The following ANAPC1 variants were observed in gnomAD, a reference collection of about 807,000 sequenced individuals.
ANAPC1 encodes the protein anaphase-promoting complex subunit 1.
In ANAPC1, 36 loss-of-function variants were observed where a neutral mutation model predicts 208.0. The observed-to-expected ratio is 0.17, with a 90% confidence interval of 0.13 to 0.23. The LOEUF (loss-of-function observed/expected upper bound fraction) is 0.23, where lower values mean the gene tolerates loss of function less well. Among genes scored for constraint, ANAPC1 ranks in the 10% least tolerant of loss-of-function variants. The probability of loss-of-function intolerance (pLI) is 1.00; values close to 1 mark genes in which losing one functional copy is unlikely to be tolerated. For synonymous variants in ANAPC1, 378 were observed against 695.2 expected (o/e 0.54, Z 7.18); for missense variants, 942 against 2,011.6 (o/e 0.47, Z 10.17).
Position 111,833,308 on chromosome 2 carries a change from G to C in ANAPC1, c.2388C>G (p.Asp796Glu). ...LVELLVQLAR[D>E]LKLGPYVDHY... ...GATCTACATAAGGCCCCAATTTTAA[G>C]TCCCTAAAACAGTAAGGGCATGTAA... Residue 796 changes from aspartate (D) to glutamate (E), a missense_variant, in exon 20 of 48, where the codon GAC becomes GAG. Transcript: ENST00000341068. 1.3e-6 allele frequency: 2 copies of C among 1,589,524 alleles called. No individual in the cohort carries two copies. The highest frequency in any genetic ancestry group is 1.7e-6 in the Non-Finnish European group (2 of 1,162,412).
intron 47 of ANAPC1, 122 bp from the exon 48 acceptor site, chr2:111,769,528 C>T (rs1676603828): frequency 3.3e-6 from 2 of 608,670 alleles, no homozygotes; most frequent in Non-Finnish European, 6.0e-6. Flanking sequence ...TTGAAAATGA[C>T]TATGCAAAGA....
At chr2:111,862,193 C>T (rs1682105619) in intron 10 of ANAPC1, among the ~76,000 whole-genome samples, 196 bp downstream of exon 10, 1 of 152,042 alleles carries the variant, frequency 6.6e-6, no homozygotes, top group Non-Finnish European at 1.5e-5. Context: ...CATGAACCAC[C>T]ACGTCCAGCC....
Position 111,788,349 on chromosome 2 carries a change from G to A in ANAPC1, c.4713-29C>T, listed in dbSNP as rs776652185. On this transcript the variant is annotated intron_variant, in intron 38 of 47. Transcript: ENST00000341068. ...CAAAGTAAGTTCGGTGGGGACAGAT[G>A]TTATTGATTATATTGCACATACTTT... 9 of 1,612,154 alleles carry A rather than the reference G, an allele frequency of 5.6e-6. No individual in the cohort carries two copies. In the African/African-American group the frequency reaches 6.7e-5, roughly 12 times the overall value.
rs1214407262 is a variant in ANAPC1 at position 111,792,490 on chromosome 2, A to G, written c.4584T>C (p.Ala1528=). Reference sequence around the variant, plus strand: ...GCAAAACCTTTAGGTTTCCTGAGCCAGCCATGACCATGGCGAGAGACAGCA... The same window carrying G: ...GCAAAACCTTTAGGTTTCCTGAGCCGGCCATGACCATGGCGAGAGACAGCA... ...VVLLSLAMVM[A]GSGNLKVLQL... The change falls in exon 38 of 48, where the codon GCT becomes GCC. Residue 1528 remains alanine (A), a synonymous_variant. Transcript: ENST00000341068. 2.5e-6 allele frequency: 4 copies of G among 1,613,838 alleles called. No homozygotes were observed. In the African/African-American group the frequency reaches 4.0e-5, roughly 16 times the overall value.
intron 2 of ANAPC1, chr2:111,880,385 T>C: frequency 9.9e-7 from 1 of 1,013,164 alleles, no homozygotes; most frequent in Non-Finnish European, 1.3e-6. Flanking sequence ...ACAAAAAAAT[T>C]GAAAAATAAA....
chr2:111,792,557 T>A lies in ANAPC1; in HGVS notation c.4519-2A>T, dbSNP rs1428677456. Reference sequence around the variant, plus strand: ...AGTTTCTAGGTTATGAGGACCTGTCTGTCAGGTGAAGAGATGACATCACTG... The same window carrying A: ...AGTTTCTAGGTTATGAGGACCTGTCAGTCAGGTGAAGAGATGACATCACTG... On this transcript the variant is annotated splice_acceptor_variant, in intron 37 of 47. Coordinates refer to ENST00000341068, the MANE Select transcript of ANAPC1 (RefSeq NM_022662.4). LOFTEE classifies it high-confidence loss of function. 1.2e-6 allele frequency: 2 copies of A among 1,611,582 alleles called. No individual in the cohort carries two copies. The highest frequency in any genetic ancestry group is 3.4e-5 in the Admixed American group (2 of 59,490).
chr2:111,766,839 C>A (rs1010332084), downstream of ANAPC1: 1 of 386,460 alleles, frequency 2.6e-6, no homozygotes, highest in Non-Finnish European at 5.2e-6. Context: ...GTCAGGAGAC[C>A]CCCTGAGCTG....
intron 10 of ANAPC1, 111 bp from the exon 11 acceptor site, chr2:111,858,512 AC>A: frequency 2.8e-6 from 2 of 707,062 alleles, no homozygotes; most frequent in Non-Finnish European, 4.5e-6. Context: ...TGTAATCCCA[AC>A]ACTTTGGGAG....
At position 111,841,453 on chromosome 2, in the gene ANAPC1, C is replaced by A. The variant is rs529507980; in HGVS notation, c.2040+1959G>T. On this transcript the variant is annotated intron_variant, in intron 17 of 47. Coordinates refer to ENST00000341068, the MANE Select transcript of ANAPC1 (RefSeq NM_022662.4). ...AGGACAGGCAGCACTGAGGTGACATCTGAATAAAGACCTAAGCACGTCTTG... is the reference window on the plus strand; with the variant it reads ...AGGACAGGCAGCACTGAGGTGACATATGAATAAAGACCTAAGCACGTCTTG... Among the ~76,000 whole-genome samples the A allele has an allele frequency of 8.6e-4, 114 of 132,088 alleles. 1 individual carries two copies. Among genetic ancestry groups the A allele is most frequent in the Admixed American group, 2.2e-3 (27 of 12,398 alleles). 86.7% of individuals were successfully genotyped at this position (132,088 alleles called of 152,430 possible).
chr2:111,767,480 T>C (rs1178025671), downstream of ANAPC1, among the ~76,000 whole-genome samples: 6 of 151,896 alleles, frequency 4.0e-5, no homozygotes, highest in African/African-American at 1.2e-4. Context: ...AGCCTCCCCT[T>C]TGCTCCCTGC....
In ANAPC1 at chr2:111,824,294, A is replaced by G. The variant is rs1384395689; in HGVS notation, c.2812+672T>C. 8.7e-5 allele frequency among the ~76,000 whole-genome samples: 13 copies of G among 149,078 alleles called. No homozygotes were observed. In the South Asian group the frequency reaches 2.6e-3, roughly 30 times the overall value. ...ACTTCATTTAGAACATACTTTAGATAAGACTTCAAAAACATCTTTTAATAT... is the reference window on the plus strand; with the variant it reads ...ACTTCATTTAGAACATACTTTAGATGAGACTTCAAAAACATCTTTTAATAT... On this transcript the variant is annotated intron_variant, in intron 24 of 47. Transcript: ENST00000341068.
intron 18 of ANAPC1, among the ~76,000 whole-genome samples, chr2:111,836,544 G>C (rs1042053150): frequency 1.8e-4 from 27 of 151,356 alleles, no homozygotes; most frequent in African/African-American, 6.6e-4. Flanking sequence ...GCTACTTGGA[G>C]GCTGAGGTAG....
At chr2:111,811,119 G>A (rs925199448) in intron 28 of ANAPC1, among the ~76,000 whole-genome samples, 11 of 152,082 alleles carry the variant, frequency 7.2e-5, no homozygotes, top group Non-Finnish European at 1.2e-4. Flanking sequence ...GGGTACATCC[G>A]AAGGACCCTA....
At chr2:111,869,911 G>A (rs1424588549) in intron 6 of ANAPC1, among the ~76,000 whole-genome samples, 1 of 152,132 alleles carries the variant, frequency 6.6e-6, no homozygotes, top group East Asian at 1.9e-4. Flanking sequence ...ATAACACTCT[G>A]TATATAGCCT....
At chr2:111,883,534 CAAA>C (rs749635943) in intron 1 of ANAPC1, among the ~76,000 whole-genome samples, 1 of 124,382 alleles carries the variant, frequency 8.0e-6, no homozygotes, top group African/African-American at 2.9e-5. Flanking sequence ...ACTACCCTGC[CAAA>C]AAAAAAAAAA....
Position 111,772,322 on chromosome 2 carries a change from G to C in ANAPC1, c.5719+19C>G. On this transcript the variant is annotated intron_variant, in intron 47 of 47. Coordinates refer to ENST00000341068, the MANE Select transcript of ANAPC1 (RefSeq NM_022662.4). ...TAGGTAACAGAGTTACTGAAGATAA[G>C]ACTTAGATATGCAATTACCTTCTAG... 1 of 1,613,776 alleles carries C rather than the reference G, an allele frequency of 6.2e-7. No homozygotes were observed. The highest frequency in any genetic ancestry group is 8.5e-7 in the Non-Finnish European group (1 of 1,179,834).
intron 3 of ANAPC1, among the ~76,000 whole-genome samples, chr2:111,877,778 C>T (rs1192498796): frequency 1.3e-5 from 2 of 151,966 alleles, no homozygotes; most frequent in African/African-American, 4.8e-5. Context: ...AGCAAGACTC[C>T]ATCTCAAAAA....
At chr2:111,785,198 G>T (rs1212104738) in intron 40 of ANAPC1, among the ~76,000 whole-genome samples, 162 bp downstream of exon 40, 1 of 152,274 alleles carries the variant, frequency 6.6e-6, no homozygotes, top group South Asian at 2.1e-4. Context: ...AAATGAGCAT[G>T]AATGGCCTGG....
At chr2:111,828,075 T>G (rs1679934369) in intron 21 of ANAPC1, among the ~76,000 whole-genome samples, 1 of 152,066 alleles carries the variant, frequency 6.6e-6, no homozygotes, top group Non-Finnish European at 1.5e-5. Flanking sequence ...AGCATAAAAA[T>G]GCCTAAACTT....
Sources: allele counts gnomAD v4.1 joint callset (sites outside exome capture counted in the v4.1 genomes callset), GRCh38; gene constraint gnomAD v4.1.1; transcripts MANE v1.5; gene names NCBI Gene and HGNC (gene_info 2026-07-23, HGNC 2026-07-21).